CDKAL1: variants seen among roughly 807,000 people sequenced by gnomAD.
CDKAL1 encodes the protein CDKAL1 threonylcarbamoyladenosine tRNA methylthiotransferase, also known as threonylcarbamoyladenosine tRNA methylthiotransferase.
A neutral mutation model predicts 68.2 loss-of-function variants in CDKAL1; 32 were observed. That is an observed-to-expected ratio of 0.47 (90% CI 0.35 to 0.63). The LOEUF is 0.63. Among genes scored for constraint, CDKAL1 ranks in the 30% least tolerant of loss-of-function variants. The probability of loss-of-function intolerance (pLI) is 0.00; values close to 1 mark genes in which losing one functional copy is unlikely to be tolerated. For synonymous variants in CDKAL1, 234 were observed against 244.3 expected, an observed-to-expected ratio of 0.96 and a Z score of 0.39; for missense variants, 606 against 696.7, an observed-to-expected ratio of 0.87 and a Z score of 1.47.
At chr6:20,692,495 T>A (rs1317362869) in intron 5 of CDKAL1, among the ~76,000 whole-genome samples, 1 of 152,204 alleles carries the variant, frequency 6.6e-6, no homozygotes, top group Non-Finnish European at 1.5e-5. Context: ...GGGCTTTGAT[T>A]TGGGATTCCA....
intron 5 of CDKAL1, among the ~76,000 whole-genome samples, chr6:20,668,376 A>C (rs935054646): frequency 6.6e-6 from 1 of 152,128 alleles, no homozygotes; most frequent in Non-Finnish European, 1.5e-5. Context: ...GCTGGAGTGG[A>C]GTGGCTATTT....
intron 5 of CDKAL1, among the ~76,000 whole-genome samples, chr6:20,683,480 G>A (rs1770477054): frequency 6.6e-6 from 1 of 152,154 alleles, no homozygotes; most frequent in Non-Finnish European, 1.5e-5. Context: ...CTTATTGATA[G>A]TGTCTTATCC....
intron 12 of CDKAL1, among the ~76,000 whole-genome samples, chr6:21,097,691 C>A (rs932440134): frequency 6.6e-6 from 1 of 152,164 alleles, no homozygotes; most frequent in African/African-American, 2.4e-5. Context: ...TTCCCCCGTT[C>A]TCTATGGAAC....
chr6:20,871,210 C>T (rs60081217), intron 9 of CDKAL1, among the ~76,000 whole-genome samples: 7,377 of 152,068 alleles, frequency 0.049, 584 homozygotes, highest in African/African-American at 0.16. Flanking sequence ...ATTGAAATAG[C>T]GTTATCAGTA....
chr6:20,791,527 TA>T (rs905972922), intron 8 of CDKAL1, among the ~76,000 whole-genome samples: 3 of 152,160 alleles, frequency 2.0e-5, no homozygotes, highest in African/African-American at 7.2e-5. Context: ...GAAAGCCACT[TA>T]GAGCTAAAGT....
chr6:20,545,699 G>A (rs1027531327), intron 2 of CDKAL1, among the ~76,000 whole-genome samples: 1 of 152,100 alleles, frequency 6.6e-6, no homozygotes, highest in Non-Finnish European at 1.5e-5. Flanking sequence ...CCAAAGTGCT[G>A]GGATTACAGG....
intron 7 of CDKAL1, among the ~76,000 whole-genome samples, chr6:20,763,394 T>G (rs1055694899): frequency 6.0e-4 from 92 of 152,186 alleles, no homozygotes; most frequent in Non-Finnish European, 1.0e-4. Context: ...TTGATTTTCC[T>G]AACCCTGCCC....
chr6:20,930,751 T>TTC (rs1554142008), intron 9 of CDKAL1, among the ~76,000 whole-genome samples: 1 of 151,852 alleles, frequency 6.6e-6, no homozygotes, highest in Non-Finnish European at 1.5e-5. Context: ...TGTGTATTTT[T>TTC]TTTTTTTTTT....
At chr6:20,829,044 A>T (rs1318104936) in intron 8 of CDKAL1, among the ~76,000 whole-genome samples, 1 of 152,184 alleles carries the variant, frequency 6.6e-6, no homozygotes, top group East Asian at 1.9e-4. Context: ...ATAAGATTCC[A>T]TTGTACATAT....
At chr6:20,763,895 T>G (rs1398669959) in intron 7 of CDKAL1, among the ~76,000 whole-genome samples, 1 of 152,216 alleles carries the variant, frequency 6.6e-6, no homozygotes, top group East Asian at 1.9e-4. Context: ...TGGTTTTGGC[T>G]TCAGGATATA....
intron 13 of CDKAL1, among the ~76,000 whole-genome samples, chr6:21,166,686 G>A (rs1467573611): frequency 1.3e-5 from 2 of 152,150 alleles, no homozygotes; most frequent in Non-Finnish European, 2.9e-5. Context: ...AGAGAGCATA[G>A]TAGAACATTT....
Position 20,846,142 on chromosome 6 carries a change from G to A in CDKAL1, c.706G>A (p.Asp236Asn), listed in dbSNP as rs1370043914. The A allele has an allele frequency of 1.2e-6, 2 of 1,612,584 alleles. No individual in the cohort carries two copies. Among genetic ancestry groups the A allele is most frequent in the African/African-American group, 2.7e-5 (2 of 74,890 alleles). Residue 236 changes from aspartate (D) to asparagine (N), a missense_variant, in exon 9 of 16, where the codon GAT (aspartate) becomes AAT (asparagine). Coordinates refer to ENST00000274695, the MANE Select transcript of CDKAL1 (RefSeq NM_017774.3). Reference protein sequence around the residue: ...ARGNLASYPIDELVDRAKQSF... With the variant: ...ARGNLASYPINELVDRAKQSF... ...AGGAAATTTGGCCAGTTATCCAATTGATGAACTAGTAGATAGAGCCAAACA... is the reference window on the plus strand; with the variant it reads ...AGGAAATTTGGCCAGTTATCCAATTAATGAACTAGTAGATAGAGCCAAACA...
chr6:21,107,818 C>T (rs1372834890), intron 12 of CDKAL1, among the ~76,000 whole-genome samples: 6 of 152,222 alleles, frequency 3.9e-5, no homozygotes, highest in Non-Finnish European at 5.9e-5. Flanking sequence ...ATAACTCATA[C>T]ATTCATTTAT....
intron 15 of CDKAL1, among the ~76,000 whole-genome samples, chr6:21,218,449 C>G (rs984926137): frequency 6.6e-6 from 1 of 152,224 alleles, no homozygotes; most frequent in African/African-American, 2.4e-5. Context: ...CTAGGTGCAG[C>G]TTCTCTGGGT....
intron 8 of CDKAL1, among the ~76,000 whole-genome samples, chr6:20,819,081 C>A (rs2150437611): frequency 6.6e-6 from 1 of 152,234 alleles, no homozygotes; most frequent in South Asian, 2.1e-4. Flanking sequence ...TAAAGAACAA[C>A]TTCTGGGAGT....
intron 5 of CDKAL1, among the ~76,000 whole-genome samples, chr6:20,649,958 C>T (rs1768673930): frequency 6.6e-6 from 1 of 152,170 alleles, no homozygotes; most frequent in East Asian, 1.9e-4. Flanking sequence ...TTTCTTTAGT[C>T]TGTCATTGAT....
At chr6:20,645,620 A>G (rs990457542) in intron 4 of CDKAL1, among the ~76,000 whole-genome samples, 4 of 151,688 alleles carry the variant, frequency 2.6e-5, no homozygotes, top group Admixed American at 1.3e-4. Flanking sequence ...AGTCCCAGCT[A>G]CTTGGGCGGC....
intron 9 of CDKAL1, among the ~76,000 whole-genome samples, chr6:20,899,579 C>A (rs780990013): frequency 4.6e-5 from 7 of 152,156 alleles, no homozygotes; most frequent in Non-Finnish European, 7.3e-5. Flanking sequence ...TGTGGTGGCT[C>A]ACGCCTGTAA....
At chr6:20,660,484 C>T (rs1289391942) in intron 5 of CDKAL1, among the ~76,000 whole-genome samples, 1 of 152,160 alleles carries the variant, frequency 6.6e-6, no homozygotes, top group Non-Finnish European at 1.5e-5. Context: ...ATTCTAACTT[C>T]CTAATTTCTA....
Sources: allele counts gnomAD v4.1 joint callset (sites outside exome capture counted in the v4.1 genomes callset), GRCh38; gene constraint gnomAD v4.1.1; transcripts MANE v1.5; gene names NCBI Gene and HGNC (gene_info 2026-07-23, HGNC 2026-07-21).